NMNAT3: variants seen among roughly 807,000 people sequenced by gnomAD.
NMNAT3 encodes nicotinamide/nicotinic acid mononucleotide adenylyltransferase 3.
In NMNAT3, 21 loss-of-function variants were observed where a neutral mutation model predicts 24.8. The ratio of observed to expected loss-of-function variants is 0.85; its 90% CI spans 0.60 to 1.22. The LOEUF (loss-of-function observed/expected upper bound fraction) is 1.22, where lower values mean the gene tolerates loss of function less well. Among genes scored for constraint, NMNAT3 ranks in the 50% most tolerant of loss-of-function variants. The probability of loss-of-function intolerance (pLI) is 0.00; values close to 1 mark genes in which losing one functional copy is unlikely to be tolerated. For synonymous variants in NMNAT3, 136 were observed against 155.2 expected, an observed-to-expected ratio of 0.88 and a Z score of 0.92; for missense variants, 387 against 436.6, an observed-to-expected ratio of 0.89 and a Z score of 1.01.
At chr3:139,584,456 C>T (rs187804831) in intron 3 of NMNAT3, 1 of 153,030 alleles carries the variant, frequency 6.5e-6, no homozygotes, top group East Asian at 1.9e-4. Flanking sequence ...TTATTTCCTA[C>T]TATATACAGT....
intron 1 of NMNAT3, among the ~76,000 whole-genome samples, chr3:139,675,262 G>C (rs2057893608): frequency 6.6e-6 from 1 of 151,972 alleles, no homozygotes; most frequent in Admixed American, 6.6e-5. Context: ...TGCTGGGTGA[G>C]AAGTTTGCAA....
chr3:139,582,549 G>A (rs1256082350), intron 4 of NMNAT3, among the ~76,000 whole-genome samples: 3 of 150,504 alleles, frequency 2.0e-5, no homozygotes, highest in Non-Finnish European at 4.4e-5. Flanking sequence ...GGCTGAGGTG[G>A]GTGGATCACT....
At chr3:139,588,012 C>CT (rs1384563949) in intron 3 of NMNAT3, among the ~76,000 whole-genome samples, 2 of 152,120 alleles carry the variant, frequency 1.3e-5, no homozygotes, top group Non-Finnish European at 2.9e-5. Context: ...GAAATCAATG[C>CT]TTTTTTATAG....
chr3:139,654,504 A>G (rs1232676217), intron 1 of NMNAT3, among the ~76,000 whole-genome samples: 2 of 152,236 alleles, frequency 1.3e-5, no homozygotes, highest in South Asian at 2.1e-4. Flanking sequence ...TACTTATAAC[A>G]ATATCACAAA....
At chr3:139,641,189 C>T (rs2108356296) in intron 1 of NMNAT3, among the ~76,000 whole-genome samples, 1 of 152,308 alleles carries the variant, frequency 6.6e-6, no homozygotes. Context: ...ACACATTTGC[C>T]AGCAAGTTAT....
At chr3:139,603,953 A>T (rs1024247357) in intron 3 of NMNAT3, among the ~76,000 whole-genome samples, 1 of 152,242 alleles carries the variant, frequency 6.6e-6, no homozygotes, top group Non-Finnish European at 1.5e-5. Context: ...ATATAATTGC[A>T]CATATGTTCC....
chr3:139,638,364 TG>T (rs966614172), intron 1 of NMNAT3, among the ~76,000 whole-genome samples: 5 of 152,146 alleles, frequency 3.3e-5, no homozygotes, highest in African/African-American at 1.2e-4. Flanking sequence ...ATACCCAACC[TG>T]GGGTCCATCC....
At chr3:139,648,903 C>T (rs995808137) in intron 1 of NMNAT3, among the ~76,000 whole-genome samples, 1 of 150,532 alleles carries the variant, frequency 6.6e-6, no homozygotes, top group Non-Finnish European at 1.5e-5. Context: ...ATGGTTTAAA[C>T]AAAGCAATCT....
chr3:139,598,844 AT>A (rs764739502), intron 3 of NMNAT3, among the ~76,000 whole-genome samples: 3 of 151,358 alleles, frequency 2.0e-5, no homozygotes, highest in Non-Finnish European at 2.9e-5. Context: ...GTTTGCCCAT[AT>A]TTTTTTTTCT....
intron 6 of NMNAT3, chr3:139,567,143 C>G (rs1188615056): frequency 6.6e-6 from 1 of 152,174 alleles, no homozygotes; most frequent in Non-Finnish European, 1.5e-5. Flanking sequence ...TGGGAGTTCA[C>G]TCACGATTTG....
chr3:139,634,046 G>A (rs1038341216), intron 2 of NMNAT3, among the ~76,000 whole-genome samples: 2 of 152,142 alleles, frequency 1.3e-5, no homozygotes, highest in East Asian at 1.9e-4. Context: ...GGCCTCTTCC[G>A]CCTGCTCACA....
chr3:139,578,648 T>G (rs1412459421), intron 5 of NMNAT3, among the ~76,000 whole-genome samples: 1 of 152,186 alleles, frequency 6.6e-6, no homozygotes, highest in African/African-American at 2.4e-5. Flanking sequence ...TTCCACAAAG[T>G]GCATTTGAAA....
At chr3:139,616,815 C>T (rs1307736333) in intron 3 of NMNAT3, among the ~76,000 whole-genome samples, 1 of 152,142 alleles carries the variant, frequency 6.6e-6, no homozygotes, top group Non-Finnish European at 1.5e-5. Flanking sequence ...CGCATATATT[C>T]TCATCCTCTC....
At chr3:139,644,348 T>G (rs74953864) in intron 1 of NMNAT3, among the ~76,000 whole-genome samples, 1 of 152,044 alleles carries the variant, frequency 6.6e-6, no homozygotes, top group African/African-American at 2.4e-5. Flanking sequence ...AAAAATACAA[T>G]GAACAATACC....
At chr3:139,607,159 T>G (rs1039965409) in intron 3 of NMNAT3, among the ~76,000 whole-genome samples, 1 of 151,562 alleles carries the variant, frequency 6.6e-6, no homozygotes, top group Non-Finnish European at 1.5e-5. Flanking sequence ...ATAATTATAT[T>G]AATTATATCT....
At chr3:139,614,641 C>A (rs1239945266) in intron 3 of NMNAT3, among the ~76,000 whole-genome samples, 1 of 152,260 alleles carries the variant, frequency 6.6e-6, no homozygotes, top group African/African-American at 2.4e-5. Context: ...TCTGGCAGAA[C>A]CAGCACAGAA....
chr3:139,629,907 A>G (rs1259521621), intron 2 of NMNAT3, among the ~76,000 whole-genome samples: 1 of 152,184 alleles, frequency 6.6e-6, no homozygotes, highest in Admixed American at 6.5e-5. Flanking sequence ...ACTATTTATC[A>G]ATTACCTGCT....
intron 3 of NMNAT3, among the ~76,000 whole-genome samples, chr3:139,625,524 T>C (rs1327783912): frequency 6.6e-6 from 1 of 152,230 alleles, no homozygotes; most frequent in Non-Finnish European, 1.5e-5. Flanking sequence ...AACATACCTT[T>C]AACTTCTTAC....
At chr3:139,665,283 T>G (rs1352028367) in intron 1 of NMNAT3, among the ~76,000 whole-genome samples, 3 of 152,188 alleles carry the variant, frequency 2.0e-5, no homozygotes, top group Non-Finnish European at 4.4e-5. Flanking sequence ...CACTAAGAAA[T>G]GCAGTTACAG....
Sources: gnomAD v4.1 joint callset for allele counts (sites outside exome capture counted in the v4.1 genomes callset) on GRCh38, gnomAD v4.1.1 for gene constraint, MANE v1.5 for transcripts, NCBI Gene and HGNC (gene_info 2026-07-23, HGNC 2026-07-21) for gene names.